TJP1: variants seen among roughly 807,000 people sequenced by gnomAD.
The protein encoded by TJP1 is tight junction protein ZO-1.
A neutral mutation model predicts 194.2 loss-of-function variants in TJP1; 43 were observed. That is an observed-to-expected ratio of 0.22 (90% CI 0.17 to 0.29). The LOEUF is 0.29. TJP1 is among the 10% of genes least tolerant of loss of function. The probability of loss-of-function intolerance (pLI) is 1.00; values close to 1 mark genes in which losing one functional copy is unlikely to be tolerated. For synonymous variants in TJP1, 801 were observed against 779.0 expected (o/e 1.03, Z -0.47); for missense variants, 1,971 against 2,185.7 (o/e 0.90, Z 1.96).
intron 27 of TJP1, among the ~76,000 whole-genome samples, chr15:29,702,038 T>A (rs2041579109): frequency 6.6e-6 from 1 of 152,176 alleles, no homozygotes; most frequent in South Asian, 2.1e-4. Context: ...GTGATGGCAA[T>A]CTTATGCCTG....
At chr15:29,938,823 A>T (rs1200357659) in intron 2 of TJP1, among the ~76,000 whole-genome samples, 1 of 152,256 alleles carries the variant, frequency 6.6e-6, no homozygotes, top group Non-Finnish European at 1.5e-5. Context: ...AGAATGAAAT[A>T]AAGTATTTTA....
At chr15:29,868,057 CAAAA>C (rs33939764) in intron 2 of TJP1, among the ~76,000 whole-genome samples, 1 of 127,362 alleles carries the variant, frequency 7.9e-6, no homozygotes. Context: ...GATTCTGTCT[CAAAA>C]AAAAAAAAAA....
intron 2 of TJP1, among the ~76,000 whole-genome samples, chr15:29,835,865 A>C (rs1229540289): frequency 6.6e-6 from 1 of 151,992 alleles, no homozygotes; most frequent in Non-Finnish European, 1.5e-5. Flanking sequence ...CTATTCAACA[A>C]ATAGGTAAAT....
At chr15:29,735,825 T>C (rs115912745) in intron 11 of TJP1, among the ~76,000 whole-genome samples, 3,481 of 152,252 alleles carry the variant, frequency 0.023, 46 homozygotes, top group South Asian at 0.054. Context: ...GTCACCATGA[T>C]GCCTTGACTT....
intron 2 of TJP1, among the ~76,000 whole-genome samples, chr15:29,837,622 G>A (rs1329016687): frequency 6.6e-6 from 1 of 152,172 alleles, no homozygotes; most frequent in South Asian, 2.1e-4. Flanking sequence ...TATATGTTGT[G>A]TATTCTTAAC....
chr15:29,704,432 C>A, intron 26 of TJP1, 127 bp from the exon 27 acceptor site: 2 of 1,108,024 alleles, frequency 1.8e-6, no homozygotes, highest in African/African-American at 1.6e-5. Flanking sequence ...TACAGTCGCA[C>A]TGACCACAAA....
intron 2 of TJP1, among the ~76,000 whole-genome samples, chr15:29,838,992 C>CTTTTTTTT (rs760557407): frequency 1.4e-4 from 12 of 83,440 alleles, no homozygotes; most frequent in East Asian, 3.9e-4. Context: ...AAAAATTCAC[C>CTTTTTTTT]TTTTTTTTTT....
At chr15:29,757,159 C>T (rs1400690818) in intron 8 of TJP1, among the ~76,000 whole-genome samples, 1 of 152,106 alleles carries the variant, frequency 6.6e-6, no homozygotes, top group Non-Finnish European at 1.5e-5. Context: ...GGCTCCAAAG[C>T]CCTAAGAATT....
At chr15:29,956,229 T>C (rs1275497192) in intron 2 of TJP1, 2 of 1,285,416 alleles carry the variant, frequency 1.6e-6, no homozygotes, top group Non-Finnish European at 2.0e-6. Context: ...TCAGTCCACT[T>C]ACAGTGAGCT....
chr15:29,855,647 G>C (rs147071126), intron 2 of TJP1, among the ~76,000 whole-genome samples: 6,961 of 152,174 alleles, frequency 0.046, 573 homozygotes, highest in African/African-American at 0.16. Flanking sequence ...CTTGAGGTCA[G>C]GAGTTCAAGA....
chr15:29,833,647 C>G (rs2050906422), intron 2 of TJP1, among the ~76,000 whole-genome samples: 1 of 151,544 alleles, frequency 6.6e-6, no homozygotes, highest in South Asian at 2.1e-4. Context: ...CCTGCTCTAA[C>G]CTCCCAAAAT....
intron 2 of TJP1, among the ~76,000 whole-genome samples, chr15:29,779,281 C>G (rs1371176143): frequency 6.6e-6 from 1 of 152,178 alleles, no homozygotes; most frequent in Non-Finnish European, 1.5e-5. Context: ...GTGATACTGC[C>G]ATTTTTCAAA....
At chr15:29,835,084 T>C (rs2050981494) in intron 2 of TJP1, among the ~76,000 whole-genome samples, 1 of 152,198 alleles carries the variant, frequency 6.6e-6, no homozygotes, top group Non-Finnish European at 1.5e-5. Flanking sequence ...AGAAGTGGGC[T>C]GGATGAATTC....
At chr15:29,863,450 G>A (rs1367405336) in intron 2 of TJP1, among the ~76,000 whole-genome samples, 4 of 152,244 alleles carry the variant, frequency 2.6e-5, no homozygotes, top group Non-Finnish European at 4.4e-5. Context: ...TCTCAGATGC[G>A]GCTGGCAGAT....
At chr15:29,914,887 C>T (rs2054136134) in intron 2 of TJP1, among the ~76,000 whole-genome samples, 1 of 152,088 alleles carries the variant, frequency 6.6e-6, no homozygotes, top group Non-Finnish European at 1.5e-5. Flanking sequence ...CGCACGCACA[C>T]ACATGCATGC....
In TJP1 at chr15:29,833,857, GTATA is replaced by G. The variant is rs71416436; in HGVS notation, c.307-33159_307-33156del. Among the ~76,000 whole-genome samples, 57 of 25,860 alleles carry G rather than the reference GTATA, an allele frequency of 2.2e-3. 2 individuals are homozygous for G. Among genetic ancestry groups the G allele is most frequent in the East Asian group, 0.013 (4 of 308 alleles). 17.0% of individuals were successfully genotyped at this position (25,860 alleles called of 152,430 possible). ...TAAAGATGCAATATAATTTTTGTAA[GTATA>G]TATATATATATATATATATATTTTT... On this transcript the variant is annotated intron_variant, in intron 2 of 28. Coordinates refer to the TJP1 transcript ENST00000356107.
chr15:29,913,378 G>T (rs904683182), intron 2 of TJP1, among the ~76,000 whole-genome samples: 1 of 152,154 alleles, frequency 6.6e-6, no homozygotes. Flanking sequence ...TCAGAGGCAG[G>T]AGAATGACCT....
intron 2 of TJP1, among the ~76,000 whole-genome samples, chr15:29,914,099 C>G (rs954151780): frequency 5.9e-5 from 9 of 152,116 alleles, no homozygotes; most frequent in African/African-American, 2.2e-4. Flanking sequence ...TTGGAATAAG[C>G]TGAAGATAGC....
At chr15:29,837,763 T>C (rs2051084077) in intron 2 of TJP1, among the ~76,000 whole-genome samples, 1 of 152,222 alleles carries the variant, frequency 6.6e-6, no homozygotes, top group South Asian at 2.1e-4. Context: ...CACAGTGGGA[T>C]ATCTTTACTC....
Sources: gnomAD v4.1 joint callset for allele counts (sites outside exome capture counted in the v4.1 genomes callset) on GRCh38, gnomAD v4.1.1 for gene constraint, MANE v1.5 for transcripts, NCBI Gene and HGNC (gene_info 2026-07-23, HGNC 2026-07-21) for gene names.